HS1BP3: variants seen among roughly 807,000 people sequenced by gnomAD.
The protein encoded by HS1BP3 is HCLS1 binding protein 3, also known as HCLS1-binding protein 3.
A neutral mutation model predicts 33.5 loss-of-function variants in HS1BP3; 32 were observed. The ratio of observed to expected loss-of-function variants is 0.95; its 90% CI spans 0.72 to 1.28. The LOEUF (loss-of-function observed/expected upper bound fraction) is 1.28. HS1BP3 is among the 50% of genes most tolerant of loss of function. The pLI is 0.00. For missense variants in HS1BP3, 486 were observed against 502.3 expected, an observed-to-expected ratio of 0.97 and a Z score of 0.31; for synonymous variants, 187 against 209.2, an observed-to-expected ratio of 0.89 and a Z score of 0.92.
At chr2:20,617,080 G>A (rs1239566489), downstream of HS1BP3, among the ~76,000 whole-genome samples, 2 of 152,182 alleles carry the variant, frequency 1.3e-5, no homozygotes, top group East Asian at 1.9e-4. Context: ...CTACCCCGCT[G>A]TGCCCTCTGC....
rs112442576 is a variant in HS1BP3, at chr2:20,630,423, C to T, written c.624-5531G>A. On this transcript the variant is annotated intron_variant, in intron 4 of 6. Transcript: ENST00000304031. ...TGGGACACAGGCACACACCATAACA[C>T]GTGGCTAATTAAAAAATAATTTTTT... 1.1e-3 allele frequency among the ~76,000 whole-genome samples: 174 copies of T among 152,136 alleles called. 2 individuals carry two copies. The highest frequency in any genetic ancestry group is 4.0e-3 in the African/African-American group (165 of 41,498).
chr2:20,632,004 G>A, intron 4 of HS1BP3, among the ~76,000 whole-genome samples: 1 of 152,224 alleles, frequency 6.6e-6, no homozygotes, highest in Non-Finnish European at 1.5e-5. Context: ...ATAACTGCCA[G>A]CTTTCCTAAA....
chr2:20,638,467 C>G lies in HS1BP3; in HGVS notation c.592G>C (p.Glu198Gln). The G allele has an allele frequency of 1.9e-6, 3 of 1,614,256 alleles. No homozygotes were observed. The African/African-American group carries it at 4.0e-5, about 22-fold the overall frequency. Residue 198 changes from glutamate to glutamine, a missense_variant, in exon 4 of 7, where the codon GAG (glutamate) becomes CAG (glutamine). By Grantham distance (29) the Glu-to-Gln change is conservative. Transcript: ENST00000304031. Reference protein sequence around the residue: ...GEDAEESLEEEEALDPLGIMR... With the variant: ...GEDAEESLEEQEALDPLGIMR... ...ATGCCCAGAGGGTCCAGCGCCTCCT[C>G]CTCCTCCAAGGATTCCTCAGCATCC...
chr2:20,587,303 G>A (rs1693704284), intron 5 of HS1BP3, among the ~76,000 whole-genome samples: 1 of 152,204 alleles, frequency 6.6e-6, no homozygotes, highest in African/African-American at 2.4e-5. Flanking sequence ...AAGCGTACGA[G>A]CCCACTCTTA....
chr2:20,637,922 A>G (rs561572875), intron 4 of HS1BP3: 1 of 167,990 alleles, frequency 6.0e-6, no homozygotes. Context: ...TGATACGACC[A>G]TGAGTCCATT....
intron 3 of HS1BP3, 166 bp downstream of exon 3, chr2:20,640,807 G>T (rs765814890): frequency 2.9e-6 from 2 of 679,742 alleles, no homozygotes; most frequent in South Asian, 1.8e-5. Context: ...GCCTCCTTCT[G>T]CCCACCATCC....
chr2:20,637,038 C>CCCCCCG (rs1695158783), intron 4 of HS1BP3: 1 of 141,338 alleles, frequency 7.1e-6, no homozygotes, highest in African/African-American at 2.6e-5. Flanking sequence ...GCCCCCGCCC[C>CCCCCCG]CCCCGCCCCG....
downstream of HS1BP3, among the ~76,000 whole-genome samples, chr2:20,592,096 C>T (rs540687655): frequency 6.6e-6 from 1 of 152,112 alleles, no homozygotes; most frequent in East Asian, 1.9e-4. Flanking sequence ...AGGAGGACAC[C>T]TCCCTTGGTC....
intron 2 of HS1BP3, among the ~76,000 whole-genome samples, chr2:20,600,958 C>T (rs1241672678): frequency 6.6e-6 from 1 of 152,178 alleles, no homozygotes; most frequent in Non-Finnish European, 1.5e-5. Context: ...CACAAGAGGG[C>T]ACTGTTTCGG....
At chr2:20,569,961 C>A (rs1572290977) in intron 5 of HS1BP3, among the ~76,000 whole-genome samples, 1 of 152,226 alleles carries the variant, frequency 6.6e-6, no homozygotes, top group East Asian at 1.9e-4. Context: ...TCATAGGAGT[C>A]CCTCTGGGCT....
chr2:20,588,811 C>T (rs576947415), downstream of HS1BP3, among the ~76,000 whole-genome samples: 35 of 152,360 alleles, frequency 2.3e-4, no homozygotes, highest in South Asian at 6.2e-4. Flanking sequence ...CATCTCTACT[C>T]AGAAGGCTTG....
At chr2:20,593,906 A>G (rs1693882556) in intron 3 of HS1BP3, among the ~76,000 whole-genome samples, 3 of 152,202 alleles carry the variant, frequency 2.0e-5, no homozygotes, top group African/African-American at 7.2e-5. Context: ...GGCCTGCAAC[A>G]CTAACTGTGA....
intron 4 of HS1BP3, among the ~76,000 whole-genome samples, chr2:20,628,601 C>T (rs1273336522): frequency 6.6e-6 from 1 of 151,224 alleles, no homozygotes; most frequent in South Asian, 2.1e-4. Flanking sequence ...CACCACTGCA[C>T]TCCAGCCTGG....
chr2:20,585,522 C>T (rs545027581), intron 5 of HS1BP3, among the ~76,000 whole-genome samples: 2 of 152,192 alleles, frequency 1.3e-5, no homozygotes, highest in Non-Finnish European at 2.9e-5. Context: ...AAGTAACTTG[C>T]CCAAGGTCAC....
intron 5 of HS1BP3, among the ~76,000 whole-genome samples, 186 bp from the exon 6 acceptor site, chr2:20,624,217 C>A (rs1694698679): frequency 6.6e-6 from 1 of 152,110 alleles, no homozygotes; most frequent in African/African-American, 2.4e-5. Context: ...CCCAGGGGCC[C>A]CCGGGGCCCT....
chr2:20,570,528 A>C (rs1029631419), intron 5 of HS1BP3, among the ~76,000 whole-genome samples: 1 of 152,208 alleles, frequency 6.6e-6, no homozygotes, highest in Non-Finnish European at 1.5e-5. Flanking sequence ...GTATAAAGAC[A>C]AAAGAGAGCC....
rs139786951 is a variant in HS1BP3 at position 20,619,122 on chromosome 2, G to T, written c.1044C>A (p.Pro348=). Residue 348 remains proline, a synonymous_variant, in exon 7 of 7, where the codon CCC becomes CCA. Coordinates refer to ENST00000304031, the MANE Select transcript of HS1BP3 (RefSeq NM_022460.4). ...PVIPRKPAVP[P]KAGPAEAVAG... is the part of the protein sequence containing the mutation. ...CCACAGCTTCAGCCGGGCCCGCTTT[G>T]GGGGGAACAGCTGGTTTTCTGGGTA... 770 of 1,614,200 alleles carry T rather than the reference G, an allele frequency of 4.8e-4. 1 individual carries two copies. Among genetic ancestry groups the T allele is most frequent in the Non-Finnish European group, 6.0e-4 (704 of 1,180,006 alleles).
intron 5 of HS1BP3, among the ~76,000 whole-genome samples, chr2:20,586,929 T>C (rs969842517): frequency 6.6e-6 from 1 of 152,210 alleles, no homozygotes; most frequent in Admixed American, 6.5e-5. Flanking sequence ...GGTGTTACCA[T>C]AAGCTGGTGT....
chr2:20,554,417 C>CACAAAGT, the HS1BP3 span, among the ~76,000 whole-genome samples: 5 of 152,294 alleles, frequency 3.3e-5, no homozygotes, highest in Admixed American at 2.6e-4. Context: ...AACAAACACG[C>CACAAAGT]ACAAAGCTTA....
Sources: allele counts gnomAD v4.1 joint callset (sites outside exome capture counted in the v4.1 genomes callset), GRCh38; gene constraint gnomAD v4.1.1; transcripts MANE v1.5; gene names NCBI Gene and HGNC (gene_info 2026-07-23, HGNC 2026-07-21).